Variants in ERC1 observed in about 807,000 individuals in gnomAD.
ERC1 encodes the protein RAB6 interacting protein 2.
A neutral mutation model predicts 132.0 loss-of-function variants in ERC1; 56 were observed. The observed-to-expected ratio is 0.42, with a 90% CI of 0.34 to 0.53. The LOEUF (loss-of-function observed/expected upper bound fraction) is 0.53. ERC1 is among the 20% of genes least tolerant of loss of function. The pLI, the probability that ERC1 is intolerant of heterozygous loss-of-function variation, is 0.03. For missense variants in ERC1, 1,202 were observed against 1,349.9 expected (o/e 0.89, Z 1.72); for synonymous variants, 478 against 476.1 (o/e 1.00, Z -0.05).
intron 2 of ERC1, among the ~76,000 whole-genome samples, chr12:1,042,344 T>TG (rs1413800333): frequency 2.1e-5 from 3 of 144,624 alleles, no homozygotes; most frequent in African/African-American, 5.0e-5. Flanking sequence ...GCCTGTTTTT[T>TG]TTTTTTTTTT....
intron 16 of ERC1, among the ~76,000 whole-genome samples, chr12:1,398,597 A>G (rs2090741138): frequency 6.6e-6 from 1 of 152,250 alleles, no homozygotes; most frequent in African/African-American, 2.4e-5. Flanking sequence ...GAAATGATAA[A>G]TAATAAACAC....
chr12:1,343,961 T>C (rs753575755), intron 15 of ERC1, among the ~76,000 whole-genome samples: 2 of 152,128 alleles, frequency 1.3e-5, no homozygotes, highest in African/African-American at 2.4e-5. Flanking sequence ...CCTGCCTCAG[T>C]GTCCCGTGTA....
In ERC1 at chr12:1,093,757, C is replaced by T. The variant is rs545085925; in HGVS notation, c.1086+10177C>T. 6.0e-5 allele frequency among the ~76,000 whole-genome samples: 9 copies of T among 151,186 alleles called. No individual in the cohort carries two copies. The East Asian group carries it at 1.6e-3, about 26-fold the overall frequency. ...TGCTAATATTTGAATATGTTCTAGG[C>T]TAGGGAATTCTGAATCTAACTAGCA... On this transcript the variant is annotated intron_variant, in intron 3 of 18. Transcript: ENST00000360905.
intron 17 of ERC1, among the ~76,000 whole-genome samples, chr12:1,440,336 C>T (rs2093079889): frequency 6.7e-6 from 1 of 148,410 alleles, no homozygotes; most frequent in African/African-American, 2.5e-5. Context: ...TCCCGAGTAG[C>T]TGGGACTACA....
intron 18 of ERC1, among the ~76,000 whole-genome samples, chr12:1,448,200 G>A (rs114988362): frequency 0.013 from 2,041 of 152,272 alleles, 45 homozygotes; most frequent in African/African-American, 0.047. Flanking sequence ...CATGACTTCC[G>A]TTAATATTGT....
chr12:1,396,137 CTG>C (rs751054396), intron 16 of ERC1, among the ~76,000 whole-genome samples: 12 of 152,178 alleles, frequency 7.9e-5, no homozygotes, highest in Non-Finnish European at 1.2e-4. Flanking sequence ...TGAGAAAAAA[CTG>C]TGCTAGTTGA....
At position 1,247,226 on chromosome 12, in the gene ERC1, C is replaced by T. The variant is rs544033027; in HGVS notation, c.2487+10322C>T. On this transcript the variant is annotated intron_variant, in intron 13 of 18. Transcript: ENST00000360905. ...CCTGCAAGACAGAGTGAGACCCTGT[C>T]TCAAAAAAAGAAAAAAAAAATCCGG... Among the ~76,000 whole-genome samples, 397 of 150,756 alleles carry T rather than the reference C, an allele frequency of 2.6e-3. 2 individuals carry two copies. The highest frequency in any genetic ancestry group is 2.5e-3 in the Non-Finnish European group (168 of 67,826).
intron 2 of ERC1, among the ~76,000 whole-genome samples, chr12:1,040,317 CTTTT>C (rs1213718465): frequency 6.8e-6 from 1 of 146,428 alleles, no homozygotes; most frequent in Non-Finnish European, 1.5e-5. Flanking sequence ...TTCTTTTTTT[CTTTT>C]TTCTTTTTTT....
At chr12:1,200,622 G>A (rs1168547771) in intron 12 of ERC1, among the ~76,000 whole-genome samples, 1 of 151,054 alleles carries the variant, frequency 6.6e-6, no homozygotes, top group African/African-American at 2.4e-5. Context: ...GCAGTGGCAC[G>A]ATCTCGGCTC....
In ERC1 at chr12:1,237,067, G is replaced by A. The variant is rs138940210; in HGVS notation, c.2487+163G>A. 1.6e-3 allele frequency among the ~76,000 whole-genome samples: 251 copies of A among 152,322 alleles called. 1 individual carries two copies. Among genetic ancestry groups the A allele is most frequent in the Middle Eastern group, 6.8e-3 (2 of 294 alleles). ...TTTAGCAATGAAGGAATGGCTTTAA[G>A]TAGAAAATGCAAGTTTTATTCCACA... On this transcript the variant is annotated intron_variant, in intron 13 of 18. Coordinates refer to ENST00000360905, the MANE Select transcript of ERC1 (RefSeq NM_178040.4).
At chr12:1,079,180 T>A (rs1322011451) in intron 2 of ERC1, among the ~76,000 whole-genome samples, 1 of 147,986 alleles carries the variant, frequency 6.8e-6, no homozygotes, top group Non-Finnish European at 1.5e-5. Flanking sequence ...AGAAATGATT[T>A]GTAATATGAC....
chr12:1,242,156 C>T (rs908602942), intron 13 of ERC1, among the ~76,000 whole-genome samples: 2 of 152,020 alleles, frequency 1.3e-5, no homozygotes, highest in African/African-American at 4.8e-5. Context: ...ATTTCTTTTG[C>T]CCTTTGTTTA....
At chr12:1,161,100 G>T (rs531995543) in intron 8 of ERC1, among the ~76,000 whole-genome samples, 1 of 152,120 alleles carries the variant, frequency 6.6e-6, no homozygotes, top group East Asian at 1.9e-4. Context: ...TTTCTAAACC[G>T]TCCTCATTCC....
intron 15 of ERC1, among the ~76,000 whole-genome samples, chr12:1,291,785 C>T (rs992836549): frequency 6.6e-6 from 1 of 152,018 alleles, no homozygotes; most frequent in South Asian, 2.1e-4. Context: ...AAATGGTGAC[C>T]GTAAGTTTGG....
At chr12:1,134,564 G>A (rs985953167) in intron 7 of ERC1, among the ~76,000 whole-genome samples, 2 of 151,850 alleles carry the variant, frequency 1.3e-5, no homozygotes, top group Non-Finnish European at 2.9e-5. Context: ...GTTGCCCAGG[G>A]AGGTCTTGAA....
At chr12:1,207,474 AT>A (rs1349510745) in intron 12 of ERC1, among the ~76,000 whole-genome samples, 1 of 152,110 alleles carries the variant, frequency 6.6e-6, no homozygotes, top group Non-Finnish European at 1.5e-5. Flanking sequence ...AAGCAACTCT[AT>A]TGTTCAAGAG....
intron 18 of ERC1, among the ~76,000 whole-genome samples, chr12:1,445,975 C>G (rs1324909124): frequency 6.6e-6 from 1 of 152,212 alleles, no homozygotes; most frequent in Non-Finnish European, 1.5e-5. Context: ...TGGTTGGTTT[C>G]TGGTTCCTTG....
At chr12:1,390,354 AAATC>A (rs2089841066) in intron 16 of ERC1, among the ~76,000 whole-genome samples, 1 of 152,222 alleles carries the variant, frequency 6.6e-6, no homozygotes, top group African/African-American at 2.4e-5. Context: ...AATTTTAAAA[AAATC>A]AAGGATACAG....
intron 15 of ERC1, among the ~76,000 whole-genome samples, chr12:1,316,905 A>G (rs1051591667): frequency 3.3e-5 from 5 of 152,246 alleles, no homozygotes; most frequent in Non-Finnish European, 5.9e-5. Flanking sequence ...CATGCCTGTA[A>G]TCCCAGCACT....
Sources: allele counts gnomAD v4.1 joint callset (sites outside exome capture counted in the v4.1 genomes callset), GRCh38; gene constraint gnomAD v4.1.1; transcripts MANE v1.5; gene names NCBI Gene and HGNC (gene_info 2026-07-23, HGNC 2026-07-21).